Variants in XKRX observed in about 807,000 individuals in gnomAD.
XKRX encodes the protein XK related X-linked, also known as XK-related protein 2.
XKRX carries 11 observed loss-of-function variants against 22.4 expected under a neutral mutation model. That is an observed-to-expected ratio of 0.49 (90% CI 0.31 to 0.81). The LOEUF (loss-of-function observed/expected upper bound fraction) is 0.81, where lower values mean the gene tolerates loss of function less well. XKRX is among the 40% of genes least tolerant of loss of function. The probability of loss-of-function intolerance (pLI) is 0.05; values close to 1 mark genes in which losing one functional copy is unlikely to be tolerated. For missense variants in XKRX, 320 were observed against 336.5 expected, an observed-to-expected ratio of 0.95 and a Z score of 0.38; for synonymous variants, 114 against 132.2, an observed-to-expected ratio of 0.86 and a Z score of 0.94.
chrX:100,904,405 A>G, the XKRX span, among the ~76,000 whole-genome samples: 3 of 112,846 alleles, frequency 2.7e-5, no homozygotes, highest in Admixed American at 9.4e-5. Context: ...CTCCTAGAAG[A>G]TAACATAGGA....
the XKRX span, among the ~76,000 whole-genome samples, chrX:100,951,030 C>G: frequency 9.2e-6 from 1 of 108,930 alleles, no homozygotes; most frequent in East Asian, 2.9e-4. Flanking sequence ...GTCAGGAGTT[C>G]GAGAGCAGCC....
upstream of XKRX, chrX:100,929,531 A>C (rs1381842825): frequency 1.8e-5 from 2 of 111,253 alleles, no homozygotes; most frequent in African/African-American, 6.5e-5. Context: ...GCTGTTAGGC[A>C]GGTGTGTCTC....
At chrX:100,933,760 G>A (rs1440151565), upstream of XKRX, among the ~76,000 whole-genome samples, 1 of 111,514 alleles carries the variant, frequency 9.0e-6, no homozygotes, top group Non-Finnish European at 1.9e-5. Flanking sequence ...AATGCAGCAT[G>A]GCATTTGGGA....
chrX:100,920,178 T>G (rs1229843330), intron 2 of XKRX, among the ~76,000 whole-genome samples: 1 of 109,749 alleles, frequency 9.1e-6, no homozygotes, highest in Non-Finnish European at 1.9e-5. Context: ...TACCTTTTTT[T>G]TTCCTTTTTG....
chrX:100,898,594 C>A, the XKRX span, among the ~76,000 whole-genome samples: 1 of 85,688 alleles, frequency 1.2e-5, no homozygotes, highest in African/African-American at 4.2e-5. Context: ...TAAACAACAA[C>A]AACAAAAAAA....
the XKRX span, among the ~76,000 whole-genome samples, chrX:100,954,406 G>T: frequency 9.3e-6 from 1 of 107,348 alleles, no homozygotes; most frequent in African/African-American, 3.4e-5. Flanking sequence ...GCAACAGAGT[G>T]AGACTCTGTC....
At chrX:100,938,461 T>G in the XKRX span, among the ~76,000 whole-genome samples, 9 of 111,175 alleles carry the variant, frequency 8.1e-5, no homozygotes, top group African/African-American at 2.6e-4. Context: ...AAATCTCGTC[T>G]CTACTAAAAA....
At chrX:100,894,386 C>T in the XKRX span, among the ~76,000 whole-genome samples, 19 of 112,066 alleles carry the variant, frequency 1.7e-4, no homozygotes, top group African/African-American at 5.5e-4. Context: ...ACAATTTTGT[C>T]AATCATACCT....
upstream of XKRX, among the ~76,000 whole-genome samples, chrX:100,932,144 G>A (rs151192611): frequency 1.1e-3 from 120 of 111,225 alleles, no homozygotes; most frequent in African/African-American, 3.8e-3. Context: ...ATTCTCTGGC[G>A]CTTTAGGTCA....
chrX:100,923,322 A>T (rs748720680), intron 1 of XKRX, among the ~76,000 whole-genome samples: 2 of 111,264 alleles, frequency 1.8e-5, no homozygotes, highest in Non-Finnish European at 3.8e-5. Context: ...AGCTATTTTT[A>T]ATTTGTGTAG....
At chrX:100,889,652 C>A in the XKRX span, among the ~76,000 whole-genome samples, 2 of 111,187 alleles carry the variant, frequency 1.8e-5, no homozygotes, top group Non-Finnish European at 3.8e-5. Context: ...AGATAGCCAG[C>A]AAACCACCAG....
At chrX:100,948,796 A>G in the XKRX span, among the ~76,000 whole-genome samples, 1 of 112,513 alleles carries the variant, frequency 8.9e-6, no homozygotes, top group East Asian at 2.8e-4. Context: ...AGCAGGACCA[A>G]ACAGGAGTGA....
At chrX:100,945,564 T>G in the XKRX span, among the ~76,000 whole-genome samples, 3 of 111,921 alleles carry the variant, frequency 2.7e-5, no homozygotes, top group African/African-American at 9.7e-5. Flanking sequence ...CACATTTTTA[T>G]TTTAGAACAT....
At chrX:100,900,826 G>T in the XKRX span, among the ~76,000 whole-genome samples, 2 of 85,533 alleles carry the variant, frequency 2.3e-5, no homozygotes, top group East Asian at 3.6e-4. Context: ...GTCTTGTTCT[G>T]TCGCCTAGGC....
In XKRX at chrX:100,928,396, A is replaced by C. The variant is rs940879822; in HGVS notation, c.-92T>G. The C allele has an allele frequency of 4.3e-6, 5 of 1,150,263 alleles. No homozygotes were observed. The highest frequency in any genetic ancestry group is 1.8e-5 in the African/African-American group (1 of 54,448). The allele number at this position is 1,150,263 out of a possible 1,213,427, so 94.8% of individuals were successfully genotyped here. The stretch of plus-strand genomic sequence containing the variant: ...ACCCTATGGCCGCTACAGTCCAAGT[A>C]TAGGTGAGGAGAGCTCTGTCAAGTC... On this transcript the variant is annotated 5_prime_UTR_variant, in exon 1 of 3. Transcript: ENST00000372956.
rs752498312 is a variant in XKRX at position 100,914,775 on chromosome X, G to A, written c.913C>T (p.Arg305Trp). Residue 305 changes from arginine (R) to tryptophan (W), a missense_variant, in exon 3 of 3, where the codon CGG (arginine) becomes TGG (tryptophan). By Grantham distance (101) the Arg-to-Trp change is moderately radical (BLOSUM62 -3). Transcript: ENST00000372956. ...MPNNIEKNFS[R>W]VGTLVVLISV... is the part of the protein sequence containing the mutation. Reference sequence around the variant, plus strand: ...ATCAGGACCACCAGAGTGCCGACCCGGCTGAAGTTTTTCTCAATGTTATTG... The same window carrying A: ...ATCAGGACCACCAGAGTGCCGACCCAGCTGAAGTTTTTCTCAATGTTATTG... The A allele has an allele frequency of 3.3e-5, 40 of 1,209,587 alleles. No homozygotes were observed. The East Asian group carries it at 5.0e-4, about 15-fold the overall frequency.
the XKRX span, among the ~76,000 whole-genome samples, chrX:100,903,465 A>G: frequency 2.6e-4 from 29 of 112,392 alleles, no homozygotes; most frequent in Admixed American, 1.3e-3. Context: ...TTTGAAATTT[A>G]TAACAGATCA....
At chrX:100,891,392 GA>G in the XKRX span, among the ~76,000 whole-genome samples, 2,054 of 110,788 alleles carry the variant, frequency 0.019, 59 homozygotes, top group African/African-American at 0.063. Context: ...AAGCCATCCT[GA>G]ACAAAAAGAA....
Position 100,928,626 on chromosome X carries a change from C to A in XKRX, c.-322G>T. ...TCCCAGCGCCCCATCCAGAGTCCAA[C>A]TCCAGGGACGTGAAGAGTCATGAGA... On this transcript the variant is annotated 5_prime_UTR_variant, in exon 1 of 3. Coordinates refer to ENST00000372956, the MANE Select transcript of XKRX (RefSeq NM_212559.3). 1.2e-6 allele frequency: 1 copy of A among 858,834 alleles called. No homozygotes were observed. Among genetic ancestry groups the A allele is most frequent in the Non-Finnish European group, 1.4e-6 (1 of 707,786 alleles). 70.8% of individuals were successfully genotyped at this position (858,834 alleles called of 1,213,427 possible).
Sources: gnomAD v4.1 joint callset for allele counts (sites outside exome capture counted in the v4.1 genomes callset) on GRCh38, gnomAD v4.1.1 for gene constraint, MANE v1.5 for transcripts, NCBI Gene and HGNC (gene_info 2026-07-23, HGNC 2026-07-21) for gene names.